Variants in C10orf67 observed in about 807,000 individuals in gnomAD.
C10orf67 encodes the protein uncharacterized protein C10orf67, mitochondrial.
C10orf67 carries 60 observed loss-of-function variants against 35.6 expected under a neutral mutation model. The observed-to-expected ratio is 1.68, with a 90% CI of 1.37 to 2.09. The LOEUF (loss-of-function observed/expected upper bound fraction) is 2.09, where lower values mean the gene tolerates loss of function less well. C10orf67 is among the 30% of genes most tolerant of loss of function. The pLI is 0.00. For synonymous variants in C10orf67, 167 were observed against 115.8 expected, an observed-to-expected ratio of 1.44 and a Z score of -2.84; for missense variants, 474 against 330.2, an observed-to-expected ratio of 1.44 and a Z score of -3.38.
rs11013380 is a variant in C10orf67 at position 23,311,870 on chromosome 10, C to T, written c.547-8411G>A. 7.7e-3 allele frequency among the ~76,000 whole-genome samples: 1,171 copies of T among 152,144 alleles called. 14 individuals carry two copies. The highest frequency in any genetic ancestry group is 0.027 in the African/African-American group (1,103 of 41,484). ...GGTGCCATCATTCTCATTAAGGTCC[C>T]GGTGTTAGTTTGCAACATTTAAACT... is the stretch of plus-strand genomic sequence containing the variant. On this transcript the variant is annotated intron_variant, in intron 4 of 15. Coordinates refer to ENST00000636213, the MANE Select transcript of C10orf67 (RefSeq NM_001371909.1).
At chr10:23,263,991 G>A (rs1842821620) in intron 10 of C10orf67, among the ~76,000 whole-genome samples, 2 of 152,066 alleles carry the variant, frequency 1.3e-5, no homozygotes, top group South Asian at 4.1e-4. Context: ...TGTTCCCACC[G>A]AATGACACAG....
At chr10:23,211,670 C>T (rs1466990892) in intron 15 of C10orf67, among the ~76,000 whole-genome samples, 8 of 152,082 alleles carry the variant, frequency 5.3e-5, no homozygotes, top group Non-Finnish European at 1.0e-4. Flanking sequence ...ACAATAACTG[C>T]AGTTGTTTAC....
chr10:23,220,872 T>C (rs1841558075), intron 15 of C10orf67, among the ~76,000 whole-genome samples: 1 of 152,188 alleles, frequency 6.6e-6, no homozygotes, highest in African/African-American at 2.4e-5. Flanking sequence ...GTTCAACCTT[T>C]GATGCCAATA....
chr10:23,280,920 A>G (rs1264909991), intron 8 of C10orf67, among the ~76,000 whole-genome samples: 2 of 152,074 alleles, frequency 1.3e-5, no homozygotes, highest in Non-Finnish European at 2.9e-5. Flanking sequence ...ATGTGCACAT[A>G]TATTTAGTTG....
At chr10:23,286,596 G>A (rs1031517209) in intron 7 of C10orf67, among the ~76,000 whole-genome samples, 2 of 133,704 alleles carry the variant, frequency 1.5e-5, no homozygotes, top group Non-Finnish European at 3.3e-5. Context: ...GAAGGAGGGA[G>A]GGAGGAAGGA....
Position 23,323,952 on chromosome 10 carries a change from T to TACAC in C10orf67, c.328-1419_328-1416dup, listed in dbSNP as rs747699026. 3.0e-3 allele frequency among the ~76,000 whole-genome samples: 197 copies of TACAC among 64,636 alleles called. 25 individuals carry two copies. The highest frequency in any genetic ancestry group is 7.0e-3 in the African/African-American group (129 of 18,434). 42.4% of individuals were successfully genotyped at this position (64,636 alleles called of 152,430 possible). On this transcript the variant is annotated intron_variant, in intron 2 of 15. Transcript: ENST00000636213. ...ATATATATATATATATATATATATA[T>TACAC]ACACACACACACACATATGAGTTAA...
intron 13 of C10orf67, among the ~76,000 whole-genome samples, chr10:23,233,201 A>C (rs1015379312): frequency 2.0e-5 from 3 of 152,230 alleles, no homozygotes; most frequent in African/African-American, 7.2e-5. Context: ...TCTGAGTTGA[A>C]GAAAAGCACT....
intron 10 of C10orf67, among the ~76,000 whole-genome samples, chr10:23,253,369 A>C (rs914345143): frequency 2.6e-5 from 4 of 152,170 alleles, no homozygotes; most frequent in African/African-American, 9.7e-5. Context: ...ATTTGTTCTC[A>C]AAGGGCACAA....
chr10:23,338,503 G>C (rs913555514), intron 1 of C10orf67, among the ~76,000 whole-genome samples: 1 of 152,088 alleles, frequency 6.6e-6, no homozygotes, highest in Non-Finnish European at 1.5e-5. Flanking sequence ...TGCATTCCCT[G>C]ACTATACTGC....
intron 12 of C10orf67, among the ~76,000 whole-genome samples, chr10:23,249,176 C>T (rs1342695883): frequency 7.5e-6 from 1 of 134,058 alleles, no homozygotes; most frequent in Non-Finnish European, 1.6e-5. Flanking sequence ...CTGATACGTT[C>T]TTGTAAATCA....
At chr10:23,253,817 T>A (rs544708412) in intron 10 of C10orf67, among the ~76,000 whole-genome samples, 3 of 152,222 alleles carry the variant, frequency 2.0e-5, no homozygotes, top group African/African-American at 4.8e-5. Flanking sequence ...AATTATTCAA[T>A]CTCTTCAAAA....
chr10:23,249,149 A>G, intron 12 of C10orf67, among the ~76,000 whole-genome samples: 1 of 150,132 alleles, frequency 6.7e-6, no homozygotes, highest in East Asian at 2.0e-4. Context: ...AAAAAAAAAA[A>G]AAAAAAAAAA....
intron 4 of C10orf67, among the ~76,000 whole-genome samples, chr10:23,311,111 C>G (rs1028385556): frequency 2.6e-5 from 4 of 152,164 alleles, no homozygotes; most frequent in Non-Finnish European, 4.4e-5. Context: ...GAATTACAGG[C>G]ATGAACCACC....
intron 8 of C10orf67, among the ~76,000 whole-genome samples, chr10:23,275,293 T>C (rs1172930665): frequency 6.6e-6 from 1 of 152,194 alleles, no homozygotes; most frequent in East Asian, 1.9e-4. Context: ...GAGATCAGCT[T>C]ATGCAACCTA....
At chr10:23,232,459 C>A (rs1564463948) in intron 13 of C10orf67, among the ~76,000 whole-genome samples, 1 of 152,128 alleles carries the variant, frequency 6.6e-6, no homozygotes, top group Non-Finnish European at 1.5e-5. Context: ...ATGGAGAGAA[C>A]AGAACAAGAA....
chr10:23,247,855 C>T (rs1217505021), intron 12 of C10orf67, among the ~76,000 whole-genome samples: 1 of 152,152 alleles, frequency 6.6e-6, no homozygotes, highest in Non-Finnish European at 1.5e-5. Flanking sequence ...ACCGTGAAGC[C>T]ACTTCTAATT....
At chr10:23,325,988 TAA>T (rs1231525280) in intron 2 of C10orf67, among the ~76,000 whole-genome samples, 2 of 151,970 alleles carry the variant, frequency 1.3e-5, no homozygotes, top group African/African-American at 4.8e-5. Flanking sequence ...GATGTATCAA[TAA>T]AAAATAGAAA....
intron 12 of C10orf67, among the ~76,000 whole-genome samples, chr10:23,244,869 A>G (rs1217770236): frequency 1.3e-5 from 2 of 152,342 alleles, no homozygotes; most frequent in Middle Eastern, 3.4e-3. Context: ...TTATGGAAAC[A>G]TAGAAGACCC....
chr10:23,308,626 C>T (rs1331641636), intron 4 of C10orf67, among the ~76,000 whole-genome samples: 1 of 152,152 alleles, frequency 6.6e-6, no homozygotes, highest in Non-Finnish European at 1.5e-5. Flanking sequence ...CAAACTTTTG[C>T]TTGTCATTCT....
Sources: gnomAD v4.1 joint callset for allele counts (sites outside exome capture counted in the v4.1 genomes callset) on GRCh38, gnomAD v4.1.1 for gene constraint, MANE v1.5 for transcripts, NCBI Gene and HGNC (gene_info 2026-07-23, HGNC 2026-07-21) for gene names.